Variants in POU6F2 observed in about 807,000 individuals in gnomAD.
POU6F2 encodes POU domain, class 6, transcription factor 2.
Under a neutral mutation model 71.3 loss-of-function variants are expected in POU6F2, and 31 were observed. That is an observed-to-expected ratio of 0.43 (90% CI 0.33 to 0.59). The LOEUF is 0.59. POU6F2 is among the 20% of genes least tolerant of loss of function. POU6F2 has a pLI of 0.04. For synonymous variants in POU6F2, 347 were observed against 355.7 expected (o/e 0.98, Z 0.27); for missense variants, 783 against 856.8 (o/e 0.91, Z 1.07).
At chr7:39,011,040 C>T (rs1433734831) in intron 1 of POU6F2, among the ~76,000 whole-genome samples, 1 of 132,030 alleles carries the variant, frequency 7.6e-6, no homozygotes, top group South Asian at 3.0e-4. Flanking sequence ...TCTATTAGGT[C>T]CGCTTGGTGC....
intron 4 of POU6F2, among the ~76,000 whole-genome samples, chr7:39,315,054 A>T (rs1193631148): frequency 6.6e-6 from 1 of 152,158 alleles, no homozygotes; most frequent in East Asian, 1.9e-4. Flanking sequence ...GTGACTTGAG[A>T]TTTATGGTGC....
At chr7:39,081,981 C>G (rs10464368) in intron 1 of POU6F2, among the ~76,000 whole-genome samples, 2 of 152,036 alleles carry the variant, frequency 1.3e-5, no homozygotes, top group Non-Finnish European at 2.9e-5. Flanking sequence ...ACTGAGCCTC[C>G]GTCTCTTACC....
At chr7:39,409,670 C>T (rs1201438194) in intron 6 of POU6F2, among the ~76,000 whole-genome samples, 1 of 152,156 alleles carries the variant, frequency 6.6e-6, no homozygotes. Context: ...TAAGGCTGGG[C>T]AGATGTCCTC....
chr7:39,358,394 C>G (rs1342285639), intron 5 of POU6F2, among the ~76,000 whole-genome samples: 1 of 152,056 alleles, frequency 6.6e-6, no homozygotes, highest in South Asian at 2.1e-4. Flanking sequence ...CCTAATTATA[C>G]TATTGTGTCT....
intron 1 of POU6F2, among the ~76,000 whole-genome samples, chr7:38,994,236 T>C (rs534654070): frequency 3.3e-5 from 5 of 151,496 alleles, no homozygotes; most frequent in African/African-American, 9.7e-5. Flanking sequence ...GTGTGAGGAG[T>C]CACTCAGTTG....
intron 4 of POU6F2, among the ~76,000 whole-genome samples, chr7:39,300,690 TG>T (rs1374660959): frequency 5.3e-5 from 8 of 152,232 alleles, no homozygotes; most frequent in Middle Eastern, 3.4e-3. Flanking sequence ...GTCTTCTCCC[TG>T]AGAGGTCACA....
intron 2 of POU6F2, among the ~76,000 whole-genome samples, chr7:39,155,745 C>T (rs1792855478): frequency 6.6e-6 from 1 of 152,016 alleles, no homozygotes; most frequent in African/African-American, 2.4e-5. Context: ...AATTTTTGTT[C>T]CCTAAGCTTT....
intron 4 of POU6F2, among the ~76,000 whole-genome samples, chr7:39,220,454 G>T: frequency 6.6e-6 from 1 of 152,180 alleles, no homozygotes; most frequent in East Asian, 1.9e-4. Flanking sequence ...AAAAAGAGGG[G>T]TGTACTTGGC....
intron 1 of POU6F2, among the ~76,000 whole-genome samples, chr7:39,078,035 C>G (rs1311106693): frequency 6.6e-6 from 1 of 151,958 alleles, no homozygotes; most frequent in African/African-American, 2.4e-5. Context: ...GGTAGGCCAC[C>G]AAAACTACCA....
At chr7:39,381,357 C>T (rs1418988234) in intron 5 of POU6F2, among the ~76,000 whole-genome samples, 2 of 152,204 alleles carry the variant, frequency 1.3e-5, no homozygotes, top group Admixed American at 1.3e-4. Context: ...TGTGCTTCAG[C>T]TTCTTGAGTA....
intron 4 of POU6F2, among the ~76,000 whole-genome samples, chr7:39,265,342 G>A (rs983581396): frequency 6.6e-6 from 1 of 152,150 alleles, no homozygotes; most frequent in African/African-American, 2.4e-5. Context: ...GGGCTTTGAG[G>A]AAGTCTAACA....
intron 5 of POU6F2, among the ~76,000 whole-genome samples, chr7:39,393,559 T>G (rs1015082876): frequency 6.6e-6 from 1 of 152,182 alleles, no homozygotes; most frequent in Non-Finnish European, 1.5e-5. Context: ...TATCTGACCC[T>G]TATTGTGAAT....
rs1789032970 is a variant in POU6F2 at position 39,464,869 on chromosome 7, G to A, written c.*183G>A. 1 of 845,734 alleles carries A rather than the reference G, an allele frequency of 1.2e-6. No individual in the cohort carries two copies. Among genetic ancestry groups the A allele is most frequent in the South Asian group, 2.2e-5 (1 of 45,510 alleles). The allele number at this position is 845,734 out of a possible 1,614,324, so 52.4% of individuals were successfully genotyped here. ...ACAGAATGGTTTCTACATGTCCGTT[G>A]GTTTTCCAAAAAGGAAAGAAGAAAA... is the stretch of plus-strand genomic sequence containing the variant. On this transcript the variant is annotated 3_prime_UTR_variant, in exon 10 of 10. Coordinates refer to ENST00000518318, the MANE Select transcript of POU6F2 (RefSeq NM_001370959.1). The surrounding 1 kb of genome is among the most constrained non-coding windows in gnomAD (Gnocchi z 4.1).
intron 2 of POU6F2, among the ~76,000 whole-genome samples, chr7:39,101,586 G>A (rs551300326): frequency 2.2e-4 from 34 of 152,114 alleles, no homozygotes; most frequent in Admixed American, 1.2e-3. Context: ...GGTGGGGAAA[G>A]GGGAGATGTC....
chr7:39,454,674 AT>A lies in POU6F2; in HGVS notation c.1489+2974del, dbSNP rs1788746963. Among the ~76,000 whole-genome samples, 23 of 3,566 alleles carry A rather than the reference AT, an allele frequency of 6.4e-3. 2 individuals are homozygous for A. Among genetic ancestry groups the A allele is most frequent in the Admixed American group, 0.023 (9 of 392 alleles). The allele number at this position is 3,566 out of a possible 152,430, so 2.3% of individuals were successfully genotyped here. ...ACCAGGGATATATATATATATATAT[AT>A]ATATATATATATATATATATATATA... On this transcript the variant is annotated intron_variant, in intron 8 of 9. Transcript: ENST00000518318.
intron 4 of POU6F2, among the ~76,000 whole-genome samples, chr7:39,218,640 A>G (rs1050158416): frequency 3.9e-5 from 6 of 152,082 alleles, no homozygotes; most frequent in African/African-American, 1.2e-4. Flanking sequence ...AGGCACTCCA[A>G]TCTAGTTAGG....
rs1562656541 is a variant in POU6F2, at chr7:38,989,827, T to TTTG, written c.105+11770_105+11771insTGT. On this transcript the variant is annotated intron_variant, in intron 1 of 9. Transcript: ENST00000518318. The stretch of plus-strand genomic sequence containing the variant: ...TGTGTGTGTGTGTGTGTGTGTGTGT[T>TTTG]TGTGTGTGTGTGTGTGTGTGGAAAA... 2.9e-3 allele frequency among the ~76,000 whole-genome samples: 382 copies of TTTG among 130,310 alleles called. 3 individuals are homozygous for TTTG. The highest frequency in any genetic ancestry group is 0.018 in the South Asian group (76 of 4,220). The allele number at this position is 130,310 out of a possible 152,430, so 85.5% of individuals were successfully genotyped here.
intron 2 of POU6F2, among the ~76,000 whole-genome samples, chr7:39,091,532 G>A (rs1489028846): frequency 6.6e-6 from 1 of 152,154 alleles, no homozygotes; most frequent in Non-Finnish European, 1.5e-5. Flanking sequence ...TATTAGAAAT[G>A]AGATTAATCT....
chr7:39,045,556 T>A (rs1043277583), intron 1 of POU6F2, among the ~76,000 whole-genome samples: 2 of 151,944 alleles, frequency 1.3e-5, no homozygotes, highest in East Asian at 1.9e-4. Flanking sequence ...TTTTTTTTTT[T>A]AATCTTTATT....
Sources: gnomAD v4.1 joint callset for allele counts (sites outside exome capture counted in the v4.1 genomes callset) on GRCh38, gnomAD v4.1.1 for gene constraint, Gnocchi (gnomAD v3.1) non-coding constraint, MANE v1.5 for transcripts, NCBI Gene and HGNC (gene_info 2026-07-23, HGNC 2026-07-21) for gene names.